The following CCDC148 variants were observed in gnomAD, a reference collection of about 807,000 sequenced individuals.
CCDC148 encodes coiled-coil domain containing 148, also known as coiled-coil domain-containing protein 148.
Under a neutral mutation model 85.7 loss-of-function variants are expected in CCDC148, and 89 were observed. The ratio of observed to expected loss-of-function variants is 1.04; its 90% CI spans 0.87 to 1.24. The LOEUF is 1.24. Among genes scored for constraint, CCDC148 ranks in the 50% most tolerant of loss-of-function variants. The probability of loss-of-function intolerance (pLI) is 0.00; values close to 1 mark genes in which losing one functional copy is unlikely to be tolerated. For missense variants in CCDC148, 692 were observed against 671.7 expected (o/e 1.03, Z -0.33); for synonymous variants, 230 against 213.9 (o/e 1.08, Z -0.66).
chr2:158,376,732 A>C (rs1158277852), intron 1 of CCDC148, among the ~76,000 whole-genome samples: 1 of 152,060 alleles, frequency 6.6e-6, no homozygotes, highest in Non-Finnish European at 1.5e-5. Context: ...AAGAGGAAAA[A>C]AAATTTCCTT....
At chr2:158,434,314 T>C (rs948650247) in intron 1 of CCDC148, among the ~76,000 whole-genome samples, 2 of 152,146 alleles carry the variant, frequency 1.3e-5, no homozygotes, top group Non-Finnish European at 2.9e-5. Flanking sequence ...CATTCTGCAA[T>C]ATATGCTGTT....
At chr2:158,356,975 G>A (rs71218636) in intron 2 of CCDC148, among the ~76,000 whole-genome samples, 8 of 148,814 alleles carry the variant, frequency 5.4e-5, no homozygotes, top group South Asian at 2.2e-4. Context: ...GTAAACTATC[G>A]CAAGAACAAA....
chr2:158,215,856 G>A (rs1425648722), intron 11 of CCDC148, among the ~76,000 whole-genome samples: 6 of 152,014 alleles, frequency 3.9e-5, no homozygotes, highest in African/African-American at 9.7e-5. Context: ...TCACGCCCTT[G>A]TAAGAAAAGA....
chr2:158,352,520 T>A (rs188068741), intron 2 of CCDC148, among the ~76,000 whole-genome samples: 10,798 of 151,788 alleles, frequency 0.071, 533 homozygotes, highest in South Asian at 0.11. Context: ...AAGGGAAGTT[T>A]AGAGAAAAAA....
chr2:158,239,314 C>T (rs1342604852), intron 10 of CCDC148, among the ~76,000 whole-genome samples: 3 of 151,780 alleles, frequency 2.0e-5, no homozygotes, highest in African/African-American at 2.4e-5. Flanking sequence ...CTCTCCCTCC[C>T]CACCCACCCC....
At chr2:158,438,125 G>T (rs10198837) in intron 1 of CCDC148, among the ~76,000 whole-genome samples, 77,424 of 151,910 alleles carry the variant, frequency 0.51, 20,483 homozygotes, top group South Asian at 0.73. Flanking sequence ...AAAAAACTAC[G>T]TTAAAGTTCA....
intron 10 of CCDC148, among the ~76,000 whole-genome samples, chr2:158,243,719 A>G (rs1231097852): frequency 6.6e-6 from 1 of 152,136 alleles, no homozygotes; most frequent in Non-Finnish European, 1.5e-5. Context: ...TCTGTTCTTC[A>G]TGCCATACTG....
intron 10 of CCDC148, among the ~76,000 whole-genome samples, 172 bp downstream of exon 10, chr2:158,250,600 A>G (rs751679944): frequency 3.3e-5 from 5 of 151,638 alleles, no homozygotes; most frequent in East Asian, 1.9e-4. Flanking sequence ...CTCCATGTCA[A>G]CAAATCTTTG....
chr2:158,329,377 T>G (rs1035630042), intron 7 of CCDC148, among the ~76,000 whole-genome samples: 1 of 152,180 alleles, frequency 6.6e-6, no homozygotes, highest in Non-Finnish European at 1.5e-5. Flanking sequence ...GATGCATATC[T>G]CTGTTTTGGT....
intron 1 of CCDC148, among the ~76,000 whole-genome samples, chr2:158,399,801 AG>A (rs1685693971): frequency 6.6e-6 from 1 of 152,160 alleles, no homozygotes. Context: ...AATGAAATAA[AG>A]GGTATTCGAT....
chr2:158,396,375 C>T (rs529765695), intron 1 of CCDC148, among the ~76,000 whole-genome samples: 2 of 152,184 alleles, frequency 1.3e-5, no homozygotes, highest in South Asian at 4.1e-4. Flanking sequence ...CACCATGCCT[C>T]ATAGCACCCC....
chr2:158,454,693 G>C (rs1688531979), intron 1 of CCDC148, among the ~76,000 whole-genome samples: 1 of 152,262 alleles, frequency 6.6e-6, no homozygotes, highest in South Asian at 2.1e-4. Flanking sequence ...TCCTGATGAG[G>C]AAAGGAACTG....
intron 11 of CCDC148, among the ~76,000 whole-genome samples, chr2:158,202,111 A>C (rs796806310): frequency 1.4e-4 from 22 of 152,332 alleles, no homozygotes; most frequent in African/African-American, 5.3e-4. Flanking sequence ...CCTTTGCTTG[A>C]AATTTTATGA....
chr2:158,287,619 C>G (rs561854444), intron 9 of CCDC148, among the ~76,000 whole-genome samples: 1 of 152,238 alleles, frequency 6.6e-6, no homozygotes, highest in Non-Finnish European at 1.5e-5. Flanking sequence ...CCCGGTCACA[C>G]TGATGCAAGA....
intron 7 of CCDC148, among the ~76,000 whole-genome samples, chr2:158,320,073 T>C (rs1692454197): frequency 6.6e-6 from 1 of 152,194 alleles, no homozygotes. Flanking sequence ...TAAATAAAAT[T>C]ACCTTATATA....
intron 11 of CCDC148, among the ~76,000 whole-genome samples, chr2:158,188,909 C>T (rs1039523484): frequency 5.3e-5 from 8 of 151,650 alleles, no homozygotes; most frequent in African/African-American, 1.9e-4. Context: ...ACAAATAAAC[C>T]CATTAAGAAG....
intron 1 of CCDC148, among the ~76,000 whole-genome samples, chr2:158,455,473 C>T (rs529408291): frequency 6.6e-6 from 1 of 152,106 alleles, no homozygotes; most frequent in Admixed American, 6.6e-5. Context: ...AGATAAAAAC[C>T]AGTAGCAAAG....
chr2:158,455,584 C>A (rs1453577058), intron 1 of CCDC148, among the ~76,000 whole-genome samples: 1 of 152,008 alleles, frequency 6.6e-6, no homozygotes. Flanking sequence ...TTTCCAAAAT[C>A]CTATCAGCTT....
At chr2:158,329,596 T>G (rs1468760364) in intron 7 of CCDC148, among the ~76,000 whole-genome samples, 3 of 152,060 alleles carry the variant, frequency 2.0e-5, no homozygotes, top group African/African-American at 7.3e-5. Flanking sequence ...TAAATTACCT[T>G]GGGCAGTATG....
Sources: allele counts gnomAD v4.1 joint callset (sites outside exome capture counted in the v4.1 genomes callset), GRCh38; gene constraint gnomAD v4.1.1; transcripts MANE v1.5; gene names NCBI Gene and HGNC (gene_info 2026-07-23, HGNC 2026-07-21).